INA: variants seen among roughly 807,000 people sequenced by gnomAD.
INA encodes alpha-internexin.
In INA, 35 loss-of-function variants were observed where a neutral mutation model predicts 40.1. That is an observed-to-expected ratio of 0.87 (90% CI 0.67 to 1.16). The LOEUF (loss-of-function observed/expected upper bound fraction) is 1.16, where lower values mean the gene tolerates loss of function less well. Ranked by LOEUF, INA falls within the 50% of genes most tolerant of loss-of-function variation. The pLI, the probability that INA is intolerant of heterozygous loss-of-function variation, is 0.00. For missense variants in INA, 594 were observed against 686.7 expected (o/e 0.87, Z 1.51); for synonymous variants, 290 against 316.9 (o/e 0.92, Z 0.90).
At chr10:103,280,788 A>G (rs1282416299) in intron 1 of INA, 3 of 985,354 alleles carry the variant, frequency 3.0e-6, no homozygotes, top group East Asian at 2.3e-4. Context: ...CAAAAGCCAA[A>G]TGCAACTCCC....
chr10:103,281,139 A>G (rs1461721002), intron 1 of INA, among the ~76,000 whole-genome samples: 1 of 152,252 alleles, frequency 6.6e-6, no homozygotes, highest in African/African-American at 2.4e-5. Context: ...GTGGCTGCAT[A>G]TAAATCCATA....
At chr10:103,284,146 C>T (rs1199564538) in intron 1 of INA, among the ~76,000 whole-genome samples, 4 of 146,398 alleles carry the variant, frequency 2.7e-5, no homozygotes, top group South Asian at 2.2e-4. Context: ...CTTGCTGTGT[C>T]GCCCAGGCTG....
intron 1 of INA, among the ~76,000 whole-genome samples, chr10:103,281,296 A>T (rs1176888647): frequency 6.6e-6 from 1 of 152,204 alleles, no homozygotes; most frequent in Non-Finnish European, 1.5e-5. Flanking sequence ...CTTTATAGAA[A>T]AAAATTTAAA....
At chr10:103,283,643 C>A (rs1165265041) in intron 1 of INA, among the ~76,000 whole-genome samples, 1 of 152,052 alleles carries the variant, frequency 6.6e-6, no homozygotes, top group Non-Finnish European at 1.5e-5. Flanking sequence ...TGTCTCAGCC[C>A]TACCTTTCAC....
intron 2 of INA, among the ~76,000 whole-genome samples, chr10:103,287,841 G>A (rs1160172405): frequency 6.6e-6 from 1 of 151,686 alleles, no homozygotes; most frequent in Non-Finnish European, 1.5e-5. Flanking sequence ...ATAAAAATCT[G>A]TTATCTGAAA....
rs1554858923 is a variant in INA, at chr10:103,278,934, C to CACACACACACAT, written c.1065+658_1065+659insACACACACACAT. On this transcript the variant is annotated intron_variant, in intron 1 of 2. Transcript: ENST00000369849. This position sits in a 1 kb window ranked among gnomAD's most constrained non-coding sequence, Gnocchi z 4.9. ...ACACACACACACACACACACACACA[C>CACACACACACAT]GATTCCCTTGTCCACCAGCTGACAT... is the stretch of plus-strand genomic sequence containing the variant. Among the ~76,000 whole-genome samples, 1 of 151,762 alleles carries CACACACACACAT rather than the reference C, an allele frequency of 6.6e-6. No homozygotes were observed. The highest frequency in any genetic ancestry group is 1.5e-5 in the Non-Finnish European group (1 of 67,900).
intron 1 of INA, among the ~76,000 whole-genome samples, chr10:103,284,630 T>C (rs2093080934): frequency 6.6e-6 from 1 of 151,984 alleles, no homozygotes; most frequent in Non-Finnish European, 1.5e-5. Flanking sequence ...GGTGCACACC[T>C]GTAATCCCAG....
At chr10:103,279,240 C>T (rs1268934642) in intron 1 of INA, among the ~76,000 whole-genome samples, 2 of 152,174 alleles carry the variant, frequency 1.3e-5, no homozygotes, top group Non-Finnish European at 2.9e-5. Flanking sequence ...ATTTGCTCAG[C>T]AGCTGTGAGG....
Position 103,277,631 on chromosome 10 carries a change from C to T in INA, c.420C>T (p.Gly140=). The T allele has an allele frequency of 1.4e-6, 2 of 1,465,804 alleles. No homozygotes were observed. The highest frequency in any genetic ancestry group is 1.8e-6 in the Non-Finnish European group (2 of 1,114,148). The allele number at this position is 1,465,804 out of a possible 1,614,324, so 90.8% of individuals were successfully genotyped here. A position where few individuals can be genotyped will look rare whatever the true frequency, so the allele number is the denominator to read the frequency against. ...RQRHAEPSRV[G]ELFQRELRDL... ...GCCACGCTGAGCCGTCGCGCGTCGGCGAGCTCTTCCAGCGCGAGCTGCGCG... is the reference window on the plus strand; with the variant it reads ...GCCACGCTGAGCCGTCGCGCGTCGGTGAGCTCTTCCAGCGCGAGCTGCGCG... The change falls in exon 1 of 3, where the codon GGC becomes GGT. Residue 140 remains glycine (G), a synonymous_variant. Coordinates refer to ENST00000369849, the MANE Select transcript of INA (RefSeq NM_032727.4). The surrounding 1 kb of genome is among the most constrained non-coding windows in gnomAD (Gnocchi z 5.6).
intron 1 of INA, among the ~76,000 whole-genome samples, chr10:103,285,428 TG>T (rs1445798782): frequency 6.6e-6 from 1 of 151,708 alleles, no homozygotes; most frequent in African/African-American, 2.4e-5. Flanking sequence ...CCCAAGTAGG[TG>T]GGATTACAGG....
chr10:103,278,110 G>A lies in INA; in HGVS notation c.899G>A (p.Arg300His). 1 of 1,613,232 alleles carries A rather than the reference G, an allele frequency of 6.2e-7. No individual in the cohort carries two copies. The highest frequency in any genetic ancestry group is 8.5e-7 in the Non-Finnish European group (1 of 1,179,896). The change falls in exon 1 of 3, where the codon CGC becomes CAC. Residue 300 changes from arginine (R) to histidine (H), a missense_variant. Physicochemically the swap from Arg to His is conservative, Grantham distance 29. Transcript: ENST00000369849. The surrounding 1 kb of genome is among the most constrained non-coding windows in gnomAD (Gnocchi z 4.9). The part of the protein sequence containing the change: ...KFANLNEQAA[R>H]STEAIRASRE... ...GCCAACCTGAACGAGCAGGCGGCGC[G>A]CAGCACCGAGGCCATCCGGGCCAGC...
chr10:103,277,153 C>G lies in INA; in HGVS notation c.-59C>G. The stretch of plus-strand genomic sequence containing the variant: ...GCCCCGCCGCGCCCTGCCTGCCGCA[C>G]CTCTCCTTTCTTCTGTAGCTCGCGT... On this transcript the variant is annotated 5_prime_UTR_variant, in exon 1 of 3. Transcript: ENST00000369849. This position sits in a 1 kb window ranked among gnomAD's most constrained non-coding sequence, Gnocchi z 5.6. 6.7e-7 allele frequency: 1 copy of G among 1,492,534 alleles called. No individual in the cohort carries two copies. The highest frequency in any genetic ancestry group is 8.9e-7 in the Non-Finnish European group (1 of 1,127,006). 92.5% of individuals were successfully genotyped at this position (1,492,534 alleles called of 1,614,324 possible).
At position 103,277,899 on chromosome 10, in the gene INA, G is replaced by T. The variant is rs1257873626; in HGVS notation, c.688G>T (p.Val230Leu). The change falls in exon 1 of 3, where the codon GTG (valine) becomes TTG (leucine). Residue 230 changes from valine to leucine, a missense_variant. Physicochemically the swap from Val to Leu is conservative, Grantham distance 32 (BLOSUM62 1). Coordinates refer to ENST00000369849, the MANE Select transcript of INA (RefSeq NM_032727.4). This position sits in a 1 kb window ranked among gnomAD's most constrained non-coding sequence, Gnocchi z 5.6. ...GGACGAGCTGGCCTTCGTACGCCAG[G>T]TGCACGACGAGGAGGTAGCCGAGCT... The part of the protein sequence containing the change: ...LLDELAFVRQ[V>L]HDEEVAELLA... 1 of 1,550,612 alleles carries T rather than the reference G, an allele frequency of 6.4e-7. No individual in the cohort carries two copies. Among genetic ancestry groups the T allele is most frequent in the South Asian group, 1.2e-5 (1 of 84,078 alleles).
intron 1 of INA, among the ~76,000 whole-genome samples, chr10:103,282,051 C>T (rs780278401): frequency 2.0e-5 from 3 of 152,226 alleles, no homozygotes; most frequent in Non-Finnish European, 4.4e-5. Context: ...AAGACACAGC[C>T]TGATGTGGGG....
Position 103,277,824 on chromosome 10 carries a change from G to T in INA, c.613G>T (p.Gly205Cys). Reference sequence around the variant, plus strand: ...GAAGGCGCAGCAGCGCGACGTGGACGGCGCCACGCTGGCCCGCCTGGACCT... The same window carrying T: ...GAAGGCGCAGCAGCGCGACGTGGACTGCGCCACGCTGGCCCGCCTGGACCT... ...ALKAQQRDVD[G>C]ATLARLDLEK... Residue 205 changes from glycine (G) to cysteine (C), a missense_variant, in exon 1 of 3, where the codon GGC (glycine) becomes TGC (cysteine). Coordinates refer to ENST00000369849, the MANE Select transcript of INA (RefSeq NM_032727.4). This position sits in a 1 kb window ranked among gnomAD's most constrained non-coding sequence, Gnocchi z 5.6. The T allele has an allele frequency of 6.5e-7, 1 of 1,540,056 alleles. No individual in the cohort carries two copies. Among genetic ancestry groups the T allele is most frequent in the Non-Finnish European group, 8.7e-7 (1 of 1,145,638 alleles).
chr10:103,283,492 C>A (rs1009389438), intron 1 of INA, among the ~76,000 whole-genome samples: 3 of 152,164 alleles, frequency 2.0e-5, no homozygotes, highest in African/African-American at 7.2e-5. Context: ...ATTTTTCCTA[C>A]TGACTGTCAT....
chr10:103,286,937 T>C, intron 1 of INA, 98 bp from the exon 2 acceptor site: 1 of 1,280,388 alleles, frequency 7.8e-7, no homozygotes, highest in East Asian at 2.4e-5. Context: ...CATTAGATGA[T>C]TTTAATGTGT....
At chr10:103,285,675 T>C (rs2093084103) in intron 1 of INA, among the ~76,000 whole-genome samples, 1 of 148,226 alleles carries the variant, frequency 6.7e-6, no homozygotes, top group Non-Finnish European at 1.5e-5. Flanking sequence ...TGGAATGCAG[T>C]GGCGCGATCT....
rs945842328 is a variant in INA, at chr10:103,278,952, G to T, written c.1065+676G>T. ...ACACACACGATTCCCTTGTCCACCA[G>T]CTGACATTTCCTCCTTAAGAAAGCG... On this transcript the variant is annotated intron_variant, in intron 1 of 2. Transcript: ENST00000369849. This position sits in a 1 kb window ranked among gnomAD's most constrained non-coding sequence, Gnocchi z 4.9. 1.4e-4 allele frequency among the ~76,000 whole-genome samples: 18 copies of T among 130,530 alleles called. No individual in the cohort carries two copies. Among genetic ancestry groups the T allele is most frequent in the Non-Finnish European group, 9.9e-5 (6 of 60,622 alleles). The allele number at this position is 130,530 out of a possible 152,430, so 85.6% of individuals were successfully genotyped here.
Sources: allele counts gnomAD v4.1 joint callset (sites outside exome capture counted in the v4.1 genomes callset), GRCh38; gene constraint gnomAD v4.1.1; non-coding constraint Gnocchi (gnomAD v3.1); transcripts MANE v1.5; gene names NCBI Gene and HGNC (gene_info 2026-07-23, HGNC 2026-07-21).